Variants in PSMD1 observed in about 807,000 individuals in gnomAD.
PSMD1 encodes proteasome 26S subunit, non-ATPase 1.
A neutral mutation model predicts 119.0 loss-of-function variants in PSMD1; 18 were observed. That is an observed-to-expected ratio of 0.15 (90% CI 0.10 to 0.22). The LOEUF (loss-of-function observed/expected upper bound fraction) is 0.22, where lower values mean the gene tolerates loss of function less well. PSMD1 is among the 10% of genes least tolerant of loss of function. The pLI, the probability that PSMD1 is intolerant of heterozygous loss-of-function variation, is 1.00. For missense variants in PSMD1, 702 were observed against 1,158.5 expected (o/e 0.61, Z 5.72); for synonymous variants, 374 against 396.6 (o/e 0.94, Z 0.68).
At chr2:231,123,860 G>T in intron 16 of PSMD1, 1 of 1,015,306 alleles carries the variant, frequency 9.8e-7, no homozygotes, top group Non-Finnish European at 1.6e-6. Context: ...TTGTAACCAT[G>T]CCAAACACTC....
chr2:231,117,594 T>C (rs1285289792), intron 16 of PSMD1, among the ~76,000 whole-genome samples: 1 of 152,116 alleles, frequency 6.6e-6, no homozygotes, highest in African/African-American at 2.4e-5. Flanking sequence ...AGCACAAATA[T>C]TTTATTGTTT....
At chr2:231,062,927 A>G (rs1183982804) in intron 4 of PSMD1, among the ~76,000 whole-genome samples, 1 of 152,202 alleles carries the variant, frequency 6.6e-6, no homozygotes, top group African/African-American at 2.4e-5. Context: ...TCAGATTAGT[A>G]TGAGTAACAA....
intron 16 of PSMD1, among the ~76,000 whole-genome samples, chr2:231,095,283 T>C (rs189109238): frequency 7.2e-5 from 11 of 152,322 alleles, no homozygotes; most frequent in Middle Eastern, 3.4e-3. Flanking sequence ...TATTGCCCAA[T>C]AATTTTTGAT....
chr2:231,156,749 TA>T (rs1400150058), intron 19 of PSMD1, among the ~76,000 whole-genome samples: 3 of 152,044 alleles, frequency 2.0e-5, no homozygotes, highest in Non-Finnish European at 4.4e-5. Context: ...TGCTTTGAGA[TA>T]TATATATAGT....
chr2:231,136,299 T>A (rs1200678868), intron 16 of PSMD1, among the ~76,000 whole-genome samples: 1 of 152,234 alleles, frequency 6.6e-6, no homozygotes, highest in Non-Finnish European at 1.5e-5. Context: ...TATGAAGGTC[T>A]TGAAACAGCC....
At chr2:231,123,790 C>T (rs776024369) in intron 16 of PSMD1, 6 of 1,536,536 alleles carry the variant, frequency 3.9e-6, no homozygotes, top group East Asian at 2.2e-5. Flanking sequence ...GATTCAATCC[C>T]GTTCCGAACA....
intron 16 of PSMD1, among the ~76,000 whole-genome samples, chr2:231,110,283 G>A (rs1695112966): frequency 6.6e-6 from 1 of 152,074 alleles, no homozygotes; most frequent in Non-Finnish European, 1.5e-5. Flanking sequence ...TCACACCACT[G>A]CCCTCCACGC....
rs759300771 is a variant in PSMD1 at position 231,123,687 on chromosome 2, A to G, written c.1884-15049A>G. 1.1e-5 allele frequency: 17 copies of G among 1,613,988 alleles called. No homozygotes were observed. The East Asian group carries it at 2.4e-4, about 23-fold the overall frequency. On this transcript the variant is annotated intron_variant, in intron 16 of 24. Transcript: ENST00000308696. Reference sequence around the variant, plus strand: ...GTAATCCAGACCAGTTAGAAGAGATAACGTGAACAAAGGTGCTCTGCAAAA... The same window carrying G: ...GTAATCCAGACCAGTTAGAAGAGATGACGTGAACAAAGGTGCTCTGCAAAA...
intron 8 of PSMD1, 43 bp downstream of exon 8, chr2:231,075,614 C>CTG: frequency 6.4e-7 from 1 of 1,572,270 alleles, no homozygotes; most frequent in South Asian, 1.1e-5. Flanking sequence ...GGGTCCTGAT[C>CTG]TGTCACCCAG....
In PSMD1 at chr2:231,172,645, GACC is replaced by G. The variant is rs1696937352; in HGVS notation, c.*121_*123del. The stretch of plus-strand genomic sequence containing the variant: ...ATGCATGTATCGTTGCCTCTGCACT[GACC>G]TGAAGAACCCTGTCTCCAAGTCTTT... On this transcript the variant is annotated 3_prime_UTR_variant, in exon 25 of 25. Transcript: ENST00000308696. 1.3e-5 allele frequency: 2 copies of G among 152,144 alleles called. No individual in the cohort carries two copies. The highest frequency in any genetic ancestry group is 4.8e-5 in the African/African-American group (2 of 41,418). 9.4% of individuals were successfully genotyped at this position (152,144 alleles called of 1,614,324 possible).
At chr2:231,111,908 G>A (rs957740894) in intron 16 of PSMD1, among the ~76,000 whole-genome samples, 1 of 152,038 alleles carries the variant, frequency 6.6e-6, no homozygotes, top group Non-Finnish European at 1.5e-5. Flanking sequence ...TGAATGCAAA[G>A]ATTCTTTTTC....
intron 12 of PSMD1, 113 bp from the exon 13 acceptor site, chr2:231,082,770 T>G: frequency 1.4e-6 from 1 of 739,518 alleles, no homozygotes; most frequent in East Asian, 2.7e-5. Flanking sequence ...TTGATCATTC[T>G]TACTGAGCCA....
Position 231,080,133 on chromosome 2 carries a change from C to A in PSMD1, c.1240-8C>A, listed in dbSNP as rs1014076845. The A allele has an allele frequency of 1.9e-5, 30 of 1,597,902 alleles. No individual in the cohort carries two copies. Among genetic ancestry groups the A allele is most frequent in the Non-Finnish European group, 2.5e-5 (29 of 1,173,212 alleles). On this transcript the variant is annotated splice_region_variant and splice_polypyrimidine_tract_variant and intron_variant, in intron 11 of 24. Transcript: ENST00000308696. ...TTTTGATGTCTTTGTTATGACTTACCTTTACAGGGTCATGAAAAAGAAGCA... is the reference window on the plus strand; with the variant it reads ...TTTTGATGTCTTTGTTATGACTTACATTTACAGGGTCATGAAAAAGAAGCA...
At chr2:231,150,577 C>T (rs375823505) in intron 18 of PSMD1, among the ~76,000 whole-genome samples, 3 of 151,978 alleles carry the variant, frequency 2.0e-5, no homozygotes, top group African/African-American at 7.3e-5. Context: ...ATTTATCCTA[C>T]TTAGTATAAA....
At position 231,138,868 on chromosome 2, in the gene PSMD1, T is replaced by TG; in HGVS notation, c.1998+22dup. ...GAAACAAGGTAAAGCCCACAGCCAATGGGGTCAGTTCTTTCTTGGCGCCAG... is the reference window on the plus strand; with the variant it reads ...GAAACAAGGTAAAGCCCACAGCCAATGGGGGTCAGTTCTTTCTTGGCGCCAG... On this transcript the variant is annotated intron_variant, in intron 17 of 24. Coordinates refer to ENST00000308696, the MANE Select transcript of PSMD1 (RefSeq NM_002807.4). The TG allele has an allele frequency of 6.4e-7, 1 of 1,569,542 alleles. No homozygotes were observed. The highest frequency in any genetic ancestry group is 8.8e-7 in the Non-Finnish European group (1 of 1,139,484).
intron 16 of PSMD1, among the ~76,000 whole-genome samples, chr2:231,107,714 G>A (rs950111522): frequency 1.3e-5 from 2 of 152,206 alleles, no homozygotes; most frequent in African/African-American, 2.4e-5. Flanking sequence ...CACTGGACAA[G>A]CATACATAGG....
chr2:231,138,822 G>T lies in PSMD1; in HGVS notation c.1970G>T (p.Gly657Val). Residue 657 changes from glycine to valine, a missense_variant, in exon 17 of 25, where the codon GGG (glycine) becomes GTG (valine). Physicochemically the swap from Gly to Val is moderately radical, Grantham distance 109 (BLOSUM62 -3). This residue lies in a region of PSMD1 where 272 missense variants were observed against 511.6 expected (regional missense o/e 0.53). Transcript: ENST00000308696. ...HVRYGAAMALGICCAGTGNKE... is the reference protein window; with the variant it reads ...HVRYGAAMALVICCAGTGNKE... ...CGCTACGGAGCTGCAATGGCCTTGG[G>T]GATATGCTGTGCTGGTACAGGAAAC... is the stretch of plus-strand genomic sequence containing the variant. 1 of 1,614,088 alleles carries T rather than the reference G, an allele frequency of 6.2e-7. No homozygotes were observed.
At chr2:231,111,908 G>T (rs957740894) in intron 16 of PSMD1, among the ~76,000 whole-genome samples, 8 of 152,156 alleles carry the variant, frequency 5.3e-5, no homozygotes, top group Admixed American at 3.3e-4. Flanking sequence ...TGAATGCAAA[G>T]ATTCTTTTTC....
At chr2:231,114,200 C>T (rs1203969974) in intron 16 of PSMD1, among the ~76,000 whole-genome samples, 1 of 152,014 alleles carries the variant, frequency 6.6e-6, no homozygotes, top group Non-Finnish European at 1.5e-5. Context: ...ATTATTATGA[C>T]CTTTGCTCTT....
Sources: gnomAD v4.1 joint callset for allele counts (sites outside exome capture counted in the v4.1 genomes callset) on GRCh38, gnomAD v4.1.1 for gene constraint, gnomAD v4.1.1 regional missense constraint, MANE v1.5 for transcripts, NCBI Gene and HGNC (gene_info 2026-07-23, HGNC 2026-07-21) for gene names.